The following OTOGL variants were observed in gnomAD, a reference collection of about 807,000 sequenced individuals.
The protein encoded by OTOGL is otogelin like.
Under a neutral mutation model 318.5 loss-of-function variants are expected in OTOGL, and 285 were observed. The ratio of observed to expected loss-of-function variants is 0.89; its 90% CI spans 0.81 to 0.99. The LOEUF (loss-of-function observed/expected upper bound fraction) is 0.99. OTOGL is among the 50% of genes least tolerant of loss of function. The probability of loss-of-function intolerance (pLI) is 0.00; values close to 1 mark genes in which losing one functional copy is unlikely to be tolerated. For synonymous variants in OTOGL, 987 were observed against 936.5 expected (o/e 1.05, Z -0.99); for missense variants, 2,899 against 2,845.6 (o/e 1.02, Z -0.43).
Position 80,295,157 on chromosome 12 carries a change from CTTTTTTTT to C in OTOGL, c.2929-1648_2929-1641del, listed in dbSNP as rs66786755. Among the ~76,000 whole-genome samples, 635 of 98,940 alleles carry C rather than the reference CTTTTTTTT, an allele frequency of 6.4e-3. 9 individuals carry two copies. The highest frequency in any genetic ancestry group is 0.02 in the African/African-American group (420 of 20,642). The allele number at this position is 98,940 out of a possible 152,430, so 64.9% of individuals were successfully genotyped here. A position where few individuals can be genotyped will look rare whatever the true frequency, so the allele number is the denominator to read the frequency against. On this transcript the variant is annotated intron_variant, in intron 26 of 58. Coordinates refer to ENST00000547103, the MANE Select transcript of OTOGL (RefSeq NM_001378609.3). ...AAACACAAACTGTATGATTGCCGAACTTTTTTTTTTTTTTTTTTTTTTTTTTTTTAAGA... is the reference window on the plus strand; with the variant it reads ...AAACACAAACTGTATGATTGCCGAACTTTTTTTTTTTTTTTTTTTTTAAGA...
intron 14 of OTOGL, among the ~76,000 whole-genome samples, chr12:80,254,107 C>A (rs1172680516): frequency 6.6e-6 from 1 of 152,082 alleles, no homozygotes; most frequent in Admixed American, 6.6e-5. Flanking sequence ...ACCACATTCT[C>A]AGATGCTGAT....
rs1236860667 is a variant in OTOGL at position 80,271,520 on chromosome 12, T to C, written c.2519-128T>C. 8 of 839,128 alleles carry C rather than the reference T, an allele frequency of 9.5e-6. No homozygotes were observed. In the East Asian group the frequency reaches 2.2e-4, roughly 24 times the overall value. 52.0% of individuals were successfully genotyped at this position (839,128 alleles called of 1,614,324 possible). A position where few individuals can be genotyped will look rare whatever the true frequency, so the allele number is the denominator to read the frequency against. ...TATATTCTAGTTAGTTACTGTCTTA[T>C]GGAAGGCAGCTAACATTCTCAAACT... is the stretch of plus-strand genomic sequence containing the variant. On this transcript the variant is annotated intron_variant, in intron 23 of 58. Transcript: ENST00000547103.
At chr12:80,357,126 A>G (rs529251355) in intron 49 of OTOGL, among the ~76,000 whole-genome samples, 36 of 152,336 alleles carry the variant, frequency 2.4e-4, no homozygotes, top group African/African-American at 8.7e-4. Flanking sequence ...AACTACATAC[A>G]TCAGTCCAAA....
chr12:80,165,429 T>C (rs1873771328), intron 1 of OTOGL, among the ~76,000 whole-genome samples: 1 of 152,218 alleles, frequency 6.6e-6, no homozygotes, highest in South Asian at 2.1e-4. Flanking sequence ...TGTACAGAGA[T>C]ATATGACAAA....
At chr12:80,358,210 A>G (rs758267670) in intron 49 of OTOGL, 38 bp from the exon 50 acceptor site, 7 of 1,340,370 alleles carry the variant, frequency 5.2e-6, no homozygotes, top group Non-Finnish European at 7.4e-6. Context: ...CATGGTTTTT[A>G]GCTCAGCTGT....
intron 25 of OTOGL, 37 bp from the exon 26 acceptor site, chr12:80,278,991 T>TTTG: frequency 1.9e-6 from 3 of 1,562,550 alleles, no homozygotes; most frequent in Non-Finnish European, 2.6e-6. Context: ...GTTAGAGTCG[T>TTTG]TTCTTTAGAA....
intron 11 of OTOGL, among the ~76,000 whole-genome samples, chr12:80,250,270 C>G (rs1881418347): frequency 6.6e-6 from 1 of 152,054 alleles, no homozygotes; most frequent in Non-Finnish European, 1.5e-5. Context: ...TTATTTTCCC[C>G]TTAGTAAATT....
chr12:80,124,795 A>G (rs916150423), intron 1 of OTOGL, among the ~76,000 whole-genome samples: 2 of 151,920 alleles, frequency 1.3e-5, no homozygotes, highest in African/African-American at 4.8e-5. Context: ...ATTCTCTTTG[A>G]AGCAATTGTG....
At chr12:80,350,602 G>A (rs1050807597) in intron 44 of OTOGL, among the ~76,000 whole-genome samples, 4 of 152,050 alleles carry the variant, frequency 2.6e-5, no homozygotes, top group African/African-American at 4.8e-5. Context: ...CCATTCTAAC[G>A]AGTGGGAGGA....
intron 47 of OTOGL, 42 bp from the exon 48 acceptor site, chr12:80,356,374 A>G: frequency 6.8e-7 from 1 of 1,470,026 alleles, no homozygotes; most frequent in Non-Finnish European, 9.4e-7. Flanking sequence ...GGCAGATTTT[A>G]GTTGTGTTCA....
chr12:80,239,385 A>G lies in OTOGL; in HGVS notation c.998A>G (p.His333Arg), dbSNP rs1880169330. ...ILLQFPFLSC[H>R]EYIDPYLYIA... ...TTGCAGTTTCCTTTTCTGAGCTGCC[A>G]TGAGTATATCGATCCATACTTATAT... The change falls in exon 11 of 59, where the codon CAT becomes CGT. Residue 333 changes from histidine to arginine, a missense_variant. This residue lies in a region of OTOGL where 2,607 missense variants were observed against 2,524.9 expected (regional missense o/e 1.03). Transcript: ENST00000547103. The G allele has an allele frequency of 1.2e-6, 2 of 1,611,342 alleles. No individual in the cohort carries two copies. The highest frequency in any genetic ancestry group is 1.7e-6 in the Non-Finnish European group (2 of 1,178,592).
At position 80,136,700 on chromosome 12, in the gene OTOGL, G is replaced by A. The variant is rs1001161859; in HGVS notation, c.-20+37095G>A. ...GGTCTTTTTCAAATGTCTCCTACCA[G>A]GGAGGGCTTTCCTGACCACCTTGTC... On this transcript the variant is annotated intron_variant, in intron 1 of 58. Coordinates refer to ENST00000547103, the MANE Select transcript of OTOGL (RefSeq NM_001378609.3). Among the ~76,000 whole-genome samples the A allele has an allele frequency of 5.3e-5, 8 of 152,110 alleles. No individual in the cohort carries two copies. The South Asian group carries it at 1.7e-3, about 32-fold the overall frequency.
At chr12:80,267,955 A>G (rs150975670) in intron 22 of OTOGL, among the ~76,000 whole-genome samples, 1 of 151,084 alleles carries the variant, frequency 6.6e-6, no homozygotes, top group Non-Finnish European at 1.5e-5. Context: ...ATACAACAGT[A>G]TTACTGAATA....
In OTOGL at chr12:80,270,143, CGCCCTCT is replaced by C; in HGVS notation, c.2510_2516del (p.Pro837LeufsTer35). The C allele has an allele frequency of 6.2e-7, 1 of 1,603,216 alleles. No homozygotes were observed. The highest frequency in any genetic ancestry group is 8.5e-7 in the Non-Finnish European group (1 of 1,170,924). On this transcript the variant is annotated frameshift_variant, in exon 23 of 59. Transcript: ENST00000547103. LOFTEE classifies it high-confidence loss of function. Reference sequence around the variant, plus strand: ...ACTGTGAAATGTGATGAATTAGCAACGCCCTCTGCTGGTAAGATCTTAAAAGATGTTT... The same window carrying C: ...ACTGTGAAATGTGATGAATTAGCAACGCTGGTAAGATCTTAAAAGATGTTT...
chr12:80,356,613 A>C, intron 48 of OTOGL, 93 bp downstream of exon 48: 2 of 1,085,356 alleles, frequency 1.8e-6, no homozygotes, highest in South Asian at 4.0e-5. Context: ...CAAGAGAATG[A>C]TTTATTATAA....
At chr12:80,193,691 C>T (rs370743710) in intron 1 of OTOGL, among the ~76,000 whole-genome samples, 43 of 152,012 alleles carry the variant, frequency 2.8e-4, no homozygotes, top group African/African-American at 1.0e-3. Flanking sequence ...TGGAGGCTTG[C>T]GGTACATGTG....
chr12:80,358,010 T>C (rs538194709), intron 49 of OTOGL, among the ~76,000 whole-genome samples: 1 of 152,336 alleles, frequency 6.6e-6, no homozygotes, highest in Non-Finnish European at 1.5e-5. Flanking sequence ...CTAGGAAATC[T>C]GAATGTTCTA....
intron 32 of OTOGL, among the ~76,000 whole-genome samples, chr12:80,315,320 C>A (rs1443490843): frequency 6.6e-6 from 1 of 152,080 alleles, no homozygotes; most frequent in Non-Finnish European, 1.5e-5. Flanking sequence ...CTTATTGATA[C>A]AATAATAATG....
intron 16 of OTOGL, 22 bp downstream of exon 16, chr12:80,255,207 C>G: frequency 7.1e-7 from 1 of 1,403,556 alleles, no homozygotes; most frequent in East Asian, 2.6e-5. Context: ...TCAAAATGAC[C>G]AGAGGAATAT....
Sources: gnomAD v4.1 joint callset for allele counts (sites outside exome capture counted in the v4.1 genomes callset) on GRCh38, gnomAD v4.1.1 for gene constraint, gnomAD v4.1.1 regional missense constraint, MANE v1.5 for transcripts, NCBI Gene and HGNC (gene_info 2026-07-23, HGNC 2026-07-21) for gene names.